Variants in NUP133 observed in about 807,000 individuals in gnomAD.
NUP133 encodes the protein nucleoporin 133.
In NUP133, 66 loss-of-function variants were observed where a neutral mutation model predicts 146.2. The observed-to-expected ratio is 0.45, with a 90% CI of 0.37 to 0.55. NUP133 has a LOEUF of 0.55. Ranked by LOEUF, NUP133 falls within the 20% of genes least tolerant of loss-of-function variation. NUP133 has a pLI of 0.00. For missense variants in NUP133, 1,277 were observed against 1,374.8 expected, an observed-to-expected ratio of 0.93 and a Z score of 1.12; for synonymous variants, 521 against 498.8, an observed-to-expected ratio of 1.04 and a Z score of -0.59.
intron 25 of NUP133, among the ~76,000 whole-genome samples, chr1:229,442,922 G>T (rs1485075409): frequency 6.6e-6 from 1 of 152,038 alleles, no homozygotes; most frequent in African/African-American, 2.4e-5. Context: ...GGCCAGGCTG[G>T]TCTTGAACTC....
chr1:229,489,820 G>A (rs1048694938), intron 9 of NUP133, 135 bp downstream of exon 9: 30 of 653,876 alleles, frequency 4.6e-5, no homozygotes, highest in Non-Finnish European at 3.5e-5. Context: ...AGGTTGCAGT[G>A]AGCTGAGATC....
intron 24 of NUP133, among the ~76,000 whole-genome samples, chr1:229,445,267 G>C (rs1660279443): frequency 6.6e-6 from 1 of 152,110 alleles, no homozygotes; most frequent in African/African-American, 2.4e-5. Flanking sequence ...TTATACTCAA[G>C]GTAGCTACTG....
chr1:229,498,398 T>C (rs565681282), intron 5 of NUP133, 92 bp from the exon 6 acceptor site: 3 of 825,940 alleles, frequency 3.6e-6, no homozygotes, highest in Admixed American at 3.0e-5. Flanking sequence ...ATCATCGTAA[T>C]TGAAATAAAT....
In NUP133 at chr1:229,508,313, G is replaced by A; in HGVS notation, c.-64C>T. The A allele has an allele frequency of 4.0e-6, 5 of 1,263,804 alleles. No individual in the cohort carries two copies. Among genetic ancestry groups the A allele is most frequent in the Middle Eastern group, 4.0e-4 (2 of 4,952 alleles). The allele number at this position is 1,263,804 out of a possible 1,614,324, so 78.3% of individuals were successfully genotyped here. A position where few individuals can be genotyped will look rare whatever the true frequency, so the allele number is the denominator to read the frequency against. Reference sequence around the variant, plus strand: ...GCCGTCAGGTTGCAGCCTGGCCTGCGCGCGGAACTTAAACACCTAAGGGAA... The same window carrying A: ...GCCGTCAGGTTGCAGCCTGGCCTGCACGCGGAACTTAAACACCTAAGGGAA... On this transcript the variant is annotated 5_prime_UTR_variant, in exon 1 of 26. Coordinates refer to ENST00000261396, the MANE Select transcript of NUP133 (RefSeq NM_018230.3).
At chr1:229,478,941 C>T (rs539086165) in intron 12 of NUP133, among the ~76,000 whole-genome samples, 2 of 152,136 alleles carry the variant, frequency 1.3e-5, no homozygotes, top group Non-Finnish European at 2.9e-5. Context: ...AAGGAAAAGA[C>T]AGGAAAGAGA....
intron 8 of NUP133, among the ~76,000 whole-genome samples, chr1:229,490,687 G>T (rs1173951334): frequency 6.6e-6 from 1 of 152,178 alleles, no homozygotes; most frequent in Non-Finnish European, 1.5e-5. Flanking sequence ...TTAGGGCCAG[G>T]TGCGGTGGCT....
intron 11 of NUP133, among the ~76,000 whole-genome samples, 182 bp downstream of exon 11, chr1:229,486,189 A>G (rs11487484): frequency 6.6e-6 from 1 of 151,580 alleles, no homozygotes; most frequent in Non-Finnish European, 1.5e-5. Flanking sequence ...AAACCAAAAA[A>G]CAAAAAATTA....
At chr1:229,458,544 T>A (rs1660618528) in intron 20 of NUP133, among the ~76,000 whole-genome samples, 1 of 152,168 alleles carries the variant, frequency 6.6e-6, no homozygotes, top group Admixed American at 6.6e-5. Flanking sequence ...ACTTACATAT[T>A]CACCTGAACA....
intron 11 of NUP133, 48 bp from the exon 12 acceptor site, chr1:229,484,193 C>G (rs1334449543): frequency 7.3e-7 from 1 of 1,376,174 alleles, no homozygotes; most frequent in Non-Finnish European, 1.0e-6. Context: ...TCTGAATATT[C>G]TTAATTATTG....
At chr1:229,448,865 C>A in intron 24 of NUP133, 1 of 476,166 alleles carries the variant, frequency 2.1e-6, no homozygotes, top group South Asian at 2.5e-5. Context: ...ACAGGCAAAA[C>A]CCCCTGGTGC....
At chr1:229,463,509 A>T in intron 19 of NUP133, 34 bp downstream of exon 19, 1 of 1,580,618 alleles carries the variant, frequency 6.3e-7, no homozygotes, top group Non-Finnish European at 8.6e-7. Flanking sequence ...AGGCAACTAA[A>T]GGACTCAGTG....
intron 8 of NUP133, among the ~76,000 whole-genome samples, chr1:229,495,066 G>C (rs751132152): frequency 6.6e-6 from 1 of 152,178 alleles, no homozygotes; most frequent in Non-Finnish European, 1.5e-5. Flanking sequence ...CATTCAGTAA[G>C]GCTTAATAGA....
At chr1:229,445,419 T>C (rs7514990) in intron 24 of NUP133, among the ~76,000 whole-genome samples, 43,562 of 152,048 alleles carry the variant, frequency 0.29, 8,543 homozygotes, top group African/African-American at 0.55. Context: ...CCAGCTCAAG[T>C]GTTCCTCCCA....
intron 13 of NUP133, among the ~76,000 whole-genome samples, chr1:229,477,161 C>T (rs979556638): frequency 6.6e-6 from 1 of 151,306 alleles, no homozygotes; most frequent in African/African-American, 2.4e-5. Context: ...GTTACCTGGC[C>T]GGGCCTGGTG....
Position 229,494,265 on chromosome 1 carries a change from G to A in NUP133, c.1046+1230C>T, listed in dbSNP as rs571670055. On this transcript the variant is annotated intron_variant, in intron 8 of 25. Coordinates refer to ENST00000261396, the MANE Select transcript of NUP133 (RefSeq NM_018230.3). ...ACTGTATTTAATTAAAACGCTTACA[G>A]AAATTAAACAAGTACTATTACTTTT... 2.6e-5 allele frequency among the ~76,000 whole-genome samples: 4 copies of A among 152,270 alleles called. No homozygotes were observed. In the East Asian group the frequency reaches 7.7e-4, roughly 29 times the overall value.
intron 21 of NUP133, among the ~76,000 whole-genome samples, chr1:229,456,466 A>G (rs1660560906): frequency 6.6e-6 from 1 of 152,162 alleles, no homozygotes; most frequent in Non-Finnish European, 1.5e-5. Context: ...ACCCTTTACT[A>G]CCAATCTTTT....
chr1:229,479,017 C>T (rs546937153), intron 12 of NUP133, among the ~76,000 whole-genome samples: 36 of 152,208 alleles, frequency 2.4e-4, no homozygotes, highest in Non-Finnish European at 5.0e-4. Context: ...GGTTTCACTT[C>T]CCACAGTCAC....
At chr1:229,501,911 T>A in intron 3 of NUP133, 88 bp downstream of exon 3, 1 of 938,734 alleles carries the variant, frequency 1.1e-6, no homozygotes. Context: ...TTGACTATCC[T>A]CCAACTGTAA....
chr1:229,502,282 T>C lies in NUP133; in HGVS notation c.302-180A>G, dbSNP rs576317388. Among the ~76,000 whole-genome samples the C allele has an allele frequency of 2.6e-5, 4 of 152,246 alleles. No individual in the cohort carries two copies. In the South Asian group the frequency reaches 8.3e-4, roughly 32 times the overall value. On this transcript the variant is annotated intron_variant, in intron 2 of 25. Coordinates refer to ENST00000261396, the MANE Select transcript of NUP133 (RefSeq NM_018230.3). ...ATCTATTAACTCTGATAACCAACTT[T>C]AGAAATATATCTAACGCCTGTAATC...
Sources: allele counts gnomAD v4.1 joint callset (sites outside exome capture counted in the v4.1 genomes callset), GRCh38; gene constraint gnomAD v4.1.1; transcripts MANE v1.5; gene names NCBI Gene and HGNC (gene_info 2026-07-23, HGNC 2026-07-21).